Variants in TRPC7 observed in about 807,000 individuals in gnomAD.
The protein encoded by TRPC7 is transient receptor potential cation channel subfamily C member 7, also known as short transient receptor potential channel 7.
In TRPC7, 42 loss-of-function variants were observed where a neutral mutation model predicts 90.1. The observed-to-expected ratio is 0.47, with a 90% CI of 0.36 to 0.60. The LOEUF is 0.60. Among genes scored for constraint, TRPC7 ranks in the 20% least tolerant of loss-of-function variants. TRPC7 has a pLI of 0.00. For synonymous variants in TRPC7, 451 were observed against 436.3 expected (o/e 1.03, Z -0.42); for missense variants, 955 against 1,112.3 (o/e 0.86, Z 2.01).
chr5:136,296,479 T>C (rs1158315924), intron 3 of TRPC7, among the ~76,000 whole-genome samples: 1 of 151,998 alleles, frequency 6.6e-6, no homozygotes, highest in Non-Finnish European at 1.5e-5. Context: ...GAAAACTTTA[T>C]GCAGATAAAA....
At chr5:136,327,628 G>T (rs1759381434) in intron 2 of TRPC7, among the ~76,000 whole-genome samples, 1 of 152,220 alleles carries the variant, frequency 6.6e-6, no homozygotes. Context: ...AGAATCACGT[G>T]CAGGTTCTGA....
At chr5:136,220,919 C>T (rs186164877) in intron 10 of TRPC7, among the ~76,000 whole-genome samples, 253 of 151,524 alleles carry the variant, frequency 1.7e-3, no homozygotes, top group Admixed American at 3.5e-3. Context: ...CTCAGATGGC[C>T]GACAATTATG....
intron 3 of TRPC7, among the ~76,000 whole-genome samples, chr5:136,295,304 G>C (rs1321690969): frequency 3.3e-5 from 5 of 151,970 alleles, no homozygotes; most frequent in African/African-American, 1.2e-4. Flanking sequence ...TAATAATAAA[G>C]AAAAACAAGT....
intron 3 of TRPC7, among the ~76,000 whole-genome samples, chr5:136,290,391 G>GA (rs879757661): frequency 1.7e-4 from 26 of 151,896 alleles, no homozygotes; most frequent in African/African-American, 3.9e-4. Context: ...TTAAAACTTT[G>GA]AAAAAAAATC....
intron 2 of TRPC7, among the ~76,000 whole-genome samples, chr5:136,321,183 T>A (rs1369555846): frequency 6.6e-6 from 1 of 152,166 alleles, no homozygotes; most frequent in Non-Finnish European, 1.5e-5. Context: ...TCTTTCCCTC[T>A]CATCCTGTTG....
chr5:136,257,551 TGAA>T (rs1756725688), intron 5 of TRPC7, among the ~76,000 whole-genome samples: 1 of 152,120 alleles, frequency 6.6e-6, no homozygotes, highest in Non-Finnish European at 1.5e-5. Flanking sequence ...CTTTATTTAA[TGAA>T]GATCTGCATA....
chr5:136,267,115 A>T (rs373505515), intron 4 of TRPC7, among the ~76,000 whole-genome samples: 1 of 152,162 alleles, frequency 6.6e-6, no homozygotes, highest in African/African-American at 2.4e-5. Context: ...GGTATTCTAA[A>T]ATTCATTGAG....
intron 3 of TRPC7, among the ~76,000 whole-genome samples, chr5:136,301,726 T>A (rs960543019): frequency 1.3e-5 from 2 of 152,204 alleles, no homozygotes; most frequent in Non-Finnish European, 2.9e-5. Context: ...TCCACCACCC[T>A]TCACTGACTC....
intron 2 of TRPC7, among the ~76,000 whole-genome samples, chr5:136,341,088 C>T (rs1326204804): frequency 6.6e-6 from 1 of 152,134 alleles, no homozygotes; most frequent in Non-Finnish European, 1.5e-5. Context: ...GTTTTCAGTG[C>T]CAGTGCTCTT....
At chr5:136,284,927 T>TA in intron 3 of TRPC7, among the ~76,000 whole-genome samples, 1 of 152,306 alleles carries the variant, frequency 6.6e-6, no homozygotes, top group African/African-American at 2.4e-5. Flanking sequence ...TTGAGCAAGT[T>TA]ACTTCACCCC....
chr5:136,225,190 G>A, intron 10 of TRPC7, 84 bp downstream of exon 10: 2 of 1,212,028 alleles, frequency 1.7e-6, no homozygotes, highest in South Asian at 1.4e-5. Flanking sequence ...GTTCTCGGGG[G>A]ATGACACAGT....
Position 136,365,333 on chromosome 5 carries a change from T to C in TRPC7, c.-79A>G, listed in dbSNP as rs980385398. The C allele has an allele frequency of 3.5e-6, 5 of 1,438,460 alleles. No homozygotes were observed. The highest frequency in any genetic ancestry group is 4.7e-6 in the Non-Finnish European group (5 of 1,056,902). The allele number at this position is 1,438,460 out of a possible 1,614,324, so 89.1% of individuals were successfully genotyped here. On this transcript the variant is annotated 5_prime_UTR_variant, in exon 1 of 12. The change abolishes an upstream ATG in the 5' untranslated region. Coordinates refer to ENST00000513104, the MANE Select transcript of TRPC7 (RefSeq NM_020389.3). ...TGAGTCGCCAGAAGCTGGCTCCCCATGGGTGGTAGCCAAGGATGTACCGCT... is the reference window on the plus strand; with the variant it reads ...TGAGTCGCCAGAAGCTGGCTCCCCACGGGTGGTAGCCAAGGATGTACCGCT...
rs1270710457 is a variant in TRPC7 at position 136,357,030 on chromosome 5, G to A, written c.358C>T (p.Arg120Cys). 2 of 1,612,976 alleles carry A rather than the reference G, an allele frequency of 1.2e-6. No homozygotes were observed. The highest frequency in any genetic ancestry group is 8.5e-7 in the Non-Finnish European group (1 of 1,179,926). The part of the protein sequence containing the change: ...LLLAISKGYV[R>C]IVEAILNHPA... ...TGGTTGAGGATGGCCTCCACGATGCGCACATAGCCCTTGCTGATGGCCAGC... is the reference window on the plus strand; with the variant it reads ...TGGTTGAGGATGGCCTCCACGATGCACACATAGCCCTTGCTGATGGCCAGC... The change falls in exon 2 of 12, where the codon CGC becomes TGC. Residue 120 changes from arginine (R) to cysteine (C), a missense_variant. Coordinates refer to ENST00000513104, the MANE Select transcript of TRPC7 (RefSeq NM_020389.3).
At chr5:136,231,959 C>A (rs1311348822) in intron 7 of TRPC7, among the ~76,000 whole-genome samples, 1 of 152,094 alleles carries the variant, frequency 6.6e-6, no homozygotes, top group African/African-American at 2.4e-5. Context: ...CCTGGAGTGC[C>A]CAGTTGTTAC....
intron 2 of TRPC7, among the ~76,000 whole-genome samples, chr5:136,332,164 A>G (rs1759522314): frequency 7.6e-6 from 1 of 131,516 alleles, no homozygotes; most frequent in Admixed American, 8.5e-5. Context: ...AGGAAAGAAT[A>G]TTCCAGACAG....
At chr5:136,217,745 A>G (rs915813351) in intron 10 of TRPC7, among the ~76,000 whole-genome samples, 3 of 152,152 alleles carry the variant, frequency 2.0e-5, no homozygotes, top group Non-Finnish European at 2.9e-5. Flanking sequence ...AGCTAGGTGC[A>G]GTGGCTCATG....
chr5:136,225,188 G>A (rs141611994), intron 10 of TRPC7, 86 bp downstream of exon 10: 39 of 1,177,320 alleles, frequency 3.3e-5, no homozygotes, highest in Admixed American at 2.7e-4. Context: ...GTGTTCTCGG[G>A]GGATGACACA....
chr5:136,273,249 T>C (rs1246874044), intron 4 of TRPC7, among the ~76,000 whole-genome samples: 1 of 152,226 alleles, frequency 6.6e-6, no homozygotes, highest in African/African-American at 2.4e-5. Context: ...CTAAAACCCA[T>C]GACCAGCTTC....
chr5:136,311,230 A>G (rs1758815372), intron 3 of TRPC7, among the ~76,000 whole-genome samples: 1 of 152,158 alleles, frequency 6.6e-6, no homozygotes, highest in African/African-American at 2.4e-5. Context: ...GGGGTCAGGA[A>G]GGAGGAGGGA....
Sources: gnomAD v4.1 joint callset for allele counts (sites outside exome capture counted in the v4.1 genomes callset) on GRCh38, gnomAD v4.1.1 for gene constraint, MANE v1.5 for transcripts, NCBI Gene and HGNC (gene_info 2026-07-23, HGNC 2026-07-21) for gene names.